Variants in PARP6 observed in about 807,000 individuals in gnomAD.
PARP6 encodes the protein poly(ADP-ribose) polymerase family member 6.
In PARP6, 27 loss-of-function variants were observed where a neutral mutation model predicts 92.0. That is an observed-to-expected ratio of 0.29 (90% CI 0.22 to 0.40). PARP6 has a LOEUF of 0.40. Among genes scored for constraint, PARP6 ranks in the 10% least tolerant of loss-of-function variants. The pLI, the probability that PARP6 is intolerant of heterozygous loss-of-function variation, is 1.00. For missense variants in PARP6, 501 were observed against 784.5 expected (o/e 0.64, Z 4.32); for synonymous variants, 272 against 281.2 (o/e 0.97, Z 0.33).
intron 12 of PARP6, 110 bp downstream of exon 12, chr15:72,257,927 G>C: frequency 1.3e-6 from 1 of 778,528 alleles, no homozygotes; most frequent in Non-Finnish European, 2.3e-6. Context: ...AGAGTATCAG[G>C]GTGTACAGAC....
chr15:72,253,138 G>GCA (rs2084601425), intron 16 of PARP6, among the ~76,000 whole-genome samples: 1 of 148,620 alleles, frequency 6.7e-6, no homozygotes, highest in Non-Finnish European at 1.5e-5. Flanking sequence ...TCGCACCACT[G>GCA]CACTCTAGCC....
intron 15 of PARP6, chr15:72,254,091 G>C: frequency 2.1e-6 from 1 of 475,152 alleles, no homozygotes; most frequent in South Asian, 1.5e-5. Flanking sequence ...AGAAGATGTA[G>C]GCCCCTGTGT....
chr15:72,259,685 C>T (rs1227810813), intron 10 of PARP6, 24 bp from the exon 11 acceptor site: 4 of 1,610,810 alleles, frequency 2.5e-6, no homozygotes, highest in Non-Finnish European at 3.4e-6. Context: ...AAAGACAGAC[C>T]CCGTGAACCT....
rs2083119416 is a variant in PARP6, at chr15:72,242,102, C to T, written c.1705+55G>A. The T allele has an allele frequency of 6.5e-7, 1 of 1,548,226 alleles. No individual in the cohort carries two copies. Among genetic ancestry groups the T allele is most frequent in the Non-Finnish European group, 8.9e-7 (1 of 1,120,218 alleles). ...TTGGCCAGATCATGTGCCAAAATTA[C>T]ATCAGAAACAAAGGTTAGAGACCCA... On this transcript the variant is annotated intron_variant, in intron 22 of 23. Transcript: ENST00000569795. The surrounding 1 kb of genome is among the most constrained non-coding windows in gnomAD (Gnocchi z 4.3).
intron 11 of PARP6, among the ~76,000 whole-genome samples, chr15:72,259,156 G>A (rs1241735099): frequency 2.0e-5 from 3 of 152,210 alleles, no homozygotes; most frequent in Non-Finnish European, 4.4e-5. Flanking sequence ...AGGAAGATAG[G>A]AAGAATTACA....
At chr15:72,249,402 T>G in intron 19 of PARP6, 88 bp from the exon 20 acceptor site, 1 of 691,372 alleles carries the variant, frequency 1.4e-6, no homozygotes, top group Non-Finnish European at 2.5e-6. Context: ...TCCAGCCCTC[T>G]GTCCCTCCTT....
At chr15:72,261,160 C>T (rs761989326) in intron 9 of PARP6, among the ~76,000 whole-genome samples, 21 of 152,170 alleles carry the variant, frequency 1.4e-4, no homozygotes, top group Non-Finnish European at 3.1e-4. Flanking sequence ...TATCAGAAGA[C>T]ACCACAGGGG....
At chr15:72,262,646 G>A (rs1257104725) in intron 8 of PARP6, among the ~76,000 whole-genome samples, 1 of 152,018 alleles carries the variant, frequency 6.6e-6, no homozygotes, top group Non-Finnish European at 1.5e-5. Context: ...CTGTATTCTG[G>A]TTCCTACCTT....
rs2084644908 is a variant in PARP6 at position 72,253,499 on chromosome 15, T to C, written c.1197A>G (p.Ser399=). The C allele has an allele frequency of 1.2e-6, 2 of 1,613,674 alleles. No homozygotes were observed. The highest frequency in any genetic ancestry group is 1.7e-4 in the Middle Eastern group (1 of 6,058). ...VMSIREMTQG[S]YLEIKKQMDK... ...CCATCTGTTTCTTGATTTCCAAATA[T>C]GAGCCCTGTAAGACAATGGCCATAA... Residue 399 remains serine (S), a synonymous_variant, in exon 16 of 24, where the codon TCA becomes TCG. Transcript: ENST00000569795.
intron 8 of PARP6, among the ~76,000 whole-genome samples, 194 bp downstream of exon 8, chr15:72,264,361 C>T (rs2086283117): frequency 6.6e-6 from 1 of 152,198 alleles, no homozygotes; most frequent in Non-Finnish European, 1.5e-5. Context: ...TTCTGACACC[C>T]AAGAACCACA....
chr15:72,250,680 A>G (rs2288257), intron 18 of PARP6, among the ~76,000 whole-genome samples, 165 bp downstream of exon 18: 1,976 of 152,350 alleles, frequency 0.013, 20 homozygotes, highest in East Asian at 0.024. Flanking sequence ...AGACCACATT[A>G]TATGTACCTT....
intron 16 of PARP6, 132 bp downstream of exon 16, chr15:72,253,305 G>A: frequency 1.9e-6 from 1 of 517,536 alleles, no homozygotes; most frequent in East Asian, 3.2e-5. Flanking sequence ...CAAACTCCAA[G>A]AAAAAGCACC....
rs1441099523 is a variant in PARP6, at chr15:72,258,100, T to G, written c.843A>C (p.Thr281=). 6.2e-7 allele frequency: 1 copy of G among 1,613,768 alleles called. No individual in the cohort carries two copies. The highest frequency in any genetic ancestry group is 1.3e-5 in the African/African-American group (1 of 74,936). ...CACACACCACACAGTACTCATTCAA[T>G]GTTGGAATCCTCTGTTCTGCATACT... ...IMKYAEQRIP[T]LNEYCVVCDE... The change falls in exon 12 of 24, where the codon ACA becomes ACC. Residue 281 remains threonine, a synonymous_variant. Transcript: ENST00000569795.
rs940882685 is a variant in PARP6, at chr15:72,257,246, T to C, written c.999+102A>G. 3.8e-5 allele frequency: 32 copies of C among 836,416 alleles called. No individual in the cohort carries two copies. The African/African-American group carries it at 4.5e-4, about 12-fold the overall frequency. 51.8% of individuals were successfully genotyped at this position (836,416 alleles called of 1,614,324 possible). ...AAACAATACTACAGTGGTTATCTTA[T>C]ATACAAAAGCATTTTTGGAAGTTAA... On this transcript the variant is annotated intron_variant, in intron 13 of 23. Coordinates refer to ENST00000569795, the MANE Select transcript of PARP6 (RefSeq NM_001323532.2).
chr15:72,270,552 T>C (rs896229843), intron 2 of PARP6, among the ~76,000 whole-genome samples: 2 of 152,182 alleles, frequency 1.3e-5, no homozygotes, highest in East Asian at 3.9e-4. Flanking sequence ...ATTCCCACTA[T>C]AGGGCCTTCA....
rs2083169827 is a variant in PARP6 at position 72,242,515 on chromosome 15, C to G, written c.1641+105G>C. 1 of 820,830 alleles carries G rather than the reference C, an allele frequency of 1.2e-6. No homozygotes were observed. The highest frequency in any genetic ancestry group is 2.4e-5 in the East Asian group (1 of 41,256). 50.8% of individuals were successfully genotyped at this position (820,830 alleles called of 1,614,324 possible). A position where few individuals can be genotyped will look rare whatever the true frequency, so the allele number is the denominator to read the frequency against. On this transcript the variant is annotated intron_variant, in intron 21 of 23. Coordinates refer to ENST00000569795, the MANE Select transcript of PARP6 (RefSeq NM_001323532.2). This position sits in a 1 kb window ranked among gnomAD's most constrained non-coding sequence, Gnocchi z 4.3. ...CATACCTGACTCCTTTAAATGATCT[C>G]AAATCACTCCCCAACCCATTCTCAC...
chr15:72,256,831 A>G (rs1036746425), intron 13 of PARP6, among the ~76,000 whole-genome samples: 7 of 152,210 alleles, frequency 4.6e-5, no homozygotes, highest in Non-Finnish European at 7.3e-5. Context: ...AGTTTGATGT[A>G]TATCCTTCCA....
In PARP6 at chr15:72,272,515, CCGCGCGCGGCCGCAGCCGACGGGACGA is replaced by C. The variant is rs2087597608; in HGVS notation, c.-609_-583del. On this transcript the variant is annotated 5_prime_UTR_variant, in exon 1 of 24. Transcript: ENST00000569795. ...GGCGAGTACTCACGGCGACCCCGGGCCGCGCGCGGCCGCAGCCGACGGGACGAGCGGCCCGGGACGCCCCGCGGGGGC... is the reference window on the plus strand; with the variant it reads ...GGCGAGTACTCACGGCGACCCCGGGCGCGGCCCGGGACGCCCCGCGGGGGC... 6.6e-6 allele frequency: 1 copy of C among 150,896 alleles called. No individual in the cohort carries two copies. Among genetic ancestry groups the C allele is most frequent in the South Asian group, 2.1e-4 (1 of 4,836 alleles). 9.3% of individuals were successfully genotyped at this position (150,896 alleles called of 1,614,324 possible).
intron 2 of PARP6, among the ~76,000 whole-genome samples, chr15:72,269,925 G>GA (rs1257733597): frequency 2.7e-5 from 4 of 147,314 alleles, no homozygotes; most frequent in Non-Finnish European, 6.0e-5. Flanking sequence ...AAAAGAAAAA[G>GA]AAAAAAAGAA....
Sources: gnomAD v4.1 joint callset for allele counts (sites outside exome capture counted in the v4.1 genomes callset) on GRCh38, gnomAD v4.1.1 for gene constraint, Gnocchi (gnomAD v3.1) non-coding constraint, MANE v1.5 for transcripts, NCBI Gene and HGNC (gene_info 2026-07-23, HGNC 2026-07-21) for gene names.